Variants in EPHA3 observed in about 807,000 individuals in gnomAD.
EPHA3 encodes EPH receptor A3.
In EPHA3, 42 loss-of-function variants were observed where a neutral mutation model predicts 107.1. The ratio of observed to expected loss-of-function variants is 0.39; its 90% confidence interval spans 0.31 to 0.51. The LOEUF (loss-of-function observed/expected upper bound fraction) is 0.51. EPHA3 is among the 20% of genes least tolerant of loss of function. EPHA3 has a pLI of 0.78. For synonymous variants in EPHA3, 461 were observed against 424.8 expected (o/e 1.09, Z -1.05); for missense variants, 1,183 against 1,211.2 (o/e 0.98, Z 0.35).
chr3:89,157,165 T>C (rs1704826447), intron 2 of EPHA3, among the ~76,000 whole-genome samples: 1 of 152,046 alleles, frequency 6.6e-6, no homozygotes. Context: ...GATGCTATGG[T>C]AGTGCGATCC....
At chr3:89,319,320 T>G (rs1405079298) in intron 3 of EPHA3, among the ~76,000 whole-genome samples, 1 of 151,870 alleles carries the variant, frequency 6.6e-6, no homozygotes, top group African/African-American at 2.4e-5. Flanking sequence ...GCCCCACACA[T>G]GTATGCATGT....
At chr3:89,268,474 C>T (rs1705588111) in intron 3 of EPHA3, among the ~76,000 whole-genome samples, 1 of 152,012 alleles carries the variant, frequency 6.6e-6, no homozygotes, top group Non-Finnish European at 1.5e-5. Flanking sequence ...TTTCTAAAAA[C>T]TCCAAATTTT....
At chr3:89,429,742 A>G (rs1709529262) in intron 12 of EPHA3, among the ~76,000 whole-genome samples, 1 of 139,570 alleles carries the variant, frequency 7.2e-6, no homozygotes, top group Non-Finnish European at 1.6e-5. Flanking sequence ...ATCTATCTAT[A>G]TTTTTTGAGA....
chr3:89,187,415 A>T (rs1194557708), intron 2 of EPHA3, among the ~76,000 whole-genome samples: 2 of 149,590 alleles, frequency 1.3e-5, no homozygotes, highest in Non-Finnish European at 3.0e-5. Flanking sequence ...ATTATTCATA[A>T]GTGTATAAAG....
chr3:89,220,795 T>C (rs1262382665), intron 3 of EPHA3, among the ~76,000 whole-genome samples: 1 of 152,216 alleles, frequency 6.6e-6, no homozygotes, highest in Admixed American at 6.5e-5. Flanking sequence ...AGTCTTTGTA[T>C]AAAAAGTTTC....
chr3:89,312,360 A>G (rs572224307), intron 3 of EPHA3, among the ~76,000 whole-genome samples: 1 of 147,962 alleles, frequency 6.8e-6, no homozygotes, highest in East Asian at 2.0e-4. Context: ...CAGTTACGCA[A>G]TTCTGGTTTT....
At chr3:89,263,279 T>G (rs1576274338) in intron 3 of EPHA3, among the ~76,000 whole-genome samples, 1 of 152,192 alleles carries the variant, frequency 6.6e-6, no homozygotes, top group Non-Finnish European at 1.5e-5. Context: ...ACATTGCTCT[T>G]TTCGCTCTGC....
At chr3:89,205,712 AC>A in intron 2 of EPHA3, among the ~76,000 whole-genome samples, 1 of 152,100 alleles carries the variant, frequency 6.6e-6, no homozygotes, top group Non-Finnish European at 1.5e-5. Flanking sequence ...ACTGGTGGAT[AC>A]CAATCACAGA....
chr3:89,151,533 G>A (rs1174851803), intron 2 of EPHA3, among the ~76,000 whole-genome samples: 1 of 152,056 alleles, frequency 6.6e-6, no homozygotes, highest in Non-Finnish European at 1.5e-5. Flanking sequence ...AGCATAGTGA[G>A]GAGCAGGAAG....
At chr3:89,468,110 T>A (rs1710324871) in intron 15 of EPHA3, among the ~76,000 whole-genome samples, 2 of 152,194 alleles carry the variant, frequency 1.3e-5, no homozygotes, top group Admixed American at 1.3e-4. Context: ...GACAAATTCC[T>A]ATCCATTGAT....
intron 5 of EPHA3, among the ~76,000 whole-genome samples, chr3:89,359,277 G>A (rs1708035060): frequency 6.6e-6 from 1 of 150,842 alleles, no homozygotes; most frequent in Non-Finnish European, 1.5e-5. Flanking sequence ...TAGTAAGTCA[G>A]GTTTTACTAG....
intron 2 of EPHA3, among the ~76,000 whole-genome samples, chr3:89,130,573 A>C (rs1310540205): frequency 6.6e-6 from 1 of 151,216 alleles, no homozygotes; most frequent in Non-Finnish European, 1.5e-5. Context: ...GTATTCATAC[A>C]TGAAACTTTA....
At chr3:89,312,728 C>T (rs1394316827) in intron 3 of EPHA3, among the ~76,000 whole-genome samples, 5 of 151,902 alleles carry the variant, frequency 3.3e-5, no homozygotes, top group African/African-American at 1.2e-4. Flanking sequence ...GATGCCCTCC[C>T]TCCTCCCACC....
intron 3 of EPHA3, among the ~76,000 whole-genome samples, chr3:89,256,645 C>T (rs1453275638): frequency 6.6e-6 from 1 of 151,558 alleles, no homozygotes; most frequent in Non-Finnish European, 1.5e-5. Context: ...TAAGTATATC[C>T]CTAGATATGT....
chr3:89,468,957 G>A (rs1710345757), intron 15 of EPHA3, among the ~76,000 whole-genome samples: 1 of 151,994 alleles, frequency 6.6e-6, no homozygotes, highest in African/African-American at 2.4e-5. Context: ...AAATCATAAA[G>A]TCGTTTGCAT....
intron 3 of EPHA3, among the ~76,000 whole-genome samples, chr3:89,294,370 A>G (rs982647454): frequency 6.6e-6 from 1 of 152,154 alleles, no homozygotes; most frequent in Non-Finnish European, 1.5e-5. Flanking sequence ...CCCCAATACC[A>G]TTGAGAATTA....
At chr3:89,432,417 C>CT (rs1709587028) in intron 13 of EPHA3, among the ~76,000 whole-genome samples, 1 of 152,016 alleles carries the variant, frequency 6.6e-6, no homozygotes, top group African/African-American at 2.4e-5. Context: ...GGGTCTCACT[C>CT]TGTCACCCAG....
intron 2 of EPHA3, among the ~76,000 whole-genome samples, chr3:89,172,807 T>C (rs1331474262): frequency 3.9e-5 from 6 of 152,114 alleles, no homozygotes; most frequent in African/African-American, 1.4e-4. Context: ...GTGCATGTCA[T>C]AGGTATAGAA....
intron 5 of EPHA3, among the ~76,000 whole-genome samples, chr3:89,348,206 G>GT (rs1318169365): frequency 7.7e-6 from 1 of 129,120 alleles, no homozygotes; most frequent in African/African-American, 2.9e-5. Flanking sequence ...GTTCCTCCTT[G>GT]TACCTCTGGT....
Sources: gnomAD v4.1 joint callset for allele counts (sites outside exome capture counted in the v4.1 genomes callset) on GRCh38, gnomAD v4.1.1 for gene constraint, MANE v1.5 for transcripts, NCBI Gene and HGNC (gene_info 2026-07-23, HGNC 2026-07-21) for gene names.